Variants in STXBP5L observed in about 807,000 individuals in gnomAD.
STXBP5L encodes the protein syntaxin-binding protein 5-like.
In STXBP5L, 65 loss-of-function variants were observed where a neutral mutation model predicts 144.5. The ratio of observed to expected loss-of-function variants is 0.45; its 90% CI spans 0.37 to 0.55. STXBP5L has a LOEUF of 0.55. Among genes scored for constraint, STXBP5L ranks in the 20% least tolerant of loss-of-function variants. The pLI is 0.00. For missense variants in STXBP5L, 1,298 were observed against 1,405.5 expected, an observed-to-expected ratio of 0.92 and a Z score of 1.22; for synonymous variants, 505 against 469.6, an observed-to-expected ratio of 1.08 and a Z score of -0.97.
chr3:121,399,000 A>C (rs2046804615), intron 22 of STXBP5L, among the ~76,000 whole-genome samples: 1 of 152,084 alleles, frequency 6.6e-6, no homozygotes, highest in African/African-American at 2.4e-5. Context: ...CCGGAAAAGA[A>C]AGATCTGGAG....
At chr3:121,071,839 A>C (rs1422368525) in intron 5 of STXBP5L, among the ~76,000 whole-genome samples, 3 of 152,342 alleles carry the variant, frequency 2.0e-5, no homozygotes, top group African/African-American at 4.8e-5. Context: ...CTGAGTTATC[A>C]TCAGGGGTGC....
intron 14 of STXBP5L, among the ~76,000 whole-genome samples, chr3:121,247,100 TTAAAG>T (rs760904667): frequency 1.3e-5 from 2 of 152,196 alleles, no homozygotes; most frequent in Non-Finnish European, 1.5e-5. Context: ...AATAAAGCTG[TTAAAG>T]TAGAGTAAGC....
intron 3 of STXBP5L, among the ~76,000 whole-genome samples, chr3:121,009,971 A>T (rs1445548937): frequency 6.6e-6 from 1 of 151,898 alleles, no homozygotes; most frequent in African/African-American, 2.4e-5. Context: ...ACAGTTGCAC[A>T]CCACATGCTA....
chr3:120,948,896 A>AT (rs144774988), intron 2 of STXBP5L, among the ~76,000 whole-genome samples: 6,656 of 149,736 alleles, frequency 0.044, 175 homozygotes, highest in Middle Eastern at 0.083. Flanking sequence ...TCATATAATG[A>AT]TTTTTTTTTT....
At chr3:121,290,850 CTCTT>C (rs2051412790) in intron 19 of STXBP5L, among the ~76,000 whole-genome samples, 1 of 152,118 alleles carries the variant, frequency 6.6e-6, no homozygotes, top group Non-Finnish European at 1.5e-5. Context: ...AATTCATCAT[CTCTT>C]TATGATTAAA....
chr3:121,171,118 A>G (rs1048421626), intron 9 of STXBP5L, among the ~76,000 whole-genome samples: 2 of 152,216 alleles, frequency 1.3e-5, no homozygotes, highest in African/African-American at 4.8e-5. Context: ...AGATGCAGAA[A>G]AGGCCTTCGA....
rs368143498 is a variant in STXBP5L, at chr3:121,165,889, G to GT, written c.877+8269dup. The stretch of plus-strand genomic sequence containing the variant: ...CTTGTCTCATTTTGGAATACATTGG[G>GT]TTTTTTTGATTTATAGATTTATATT... On this transcript the variant is annotated intron_variant, in intron 9 of 26. Transcript: ENST00000471454. Among the ~76,000 whole-genome samples the GT allele has an allele frequency of 1.4e-3, 214 of 152,032 alleles. 1 individual carries two copies. Among genetic ancestry groups the GT allele is most frequent in the African/African-American group, 4.8e-3 (198 of 41,462 alleles).
At chr3:121,216,037 C>A (rs534915990) in intron 10 of STXBP5L, among the ~76,000 whole-genome samples, 1 of 152,112 alleles carries the variant, frequency 6.6e-6, no homozygotes, top group Non-Finnish European at 1.5e-5. Context: ...TGTTTTTCAG[C>A]TCCAAGGTCA....
intron 3 of STXBP5L, among the ~76,000 whole-genome samples, chr3:120,967,603 A>C (rs192046989): frequency 1.3e-5 from 2 of 152,028 alleles, no homozygotes; most frequent in Non-Finnish European, 2.9e-5. Context: ...TTATATCTTT[A>C]TACTCTAATG....
intron 3 of STXBP5L, among the ~76,000 whole-genome samples, chr3:120,986,960 G>C (rs1049814822): frequency 7.9e-5 from 12 of 151,840 alleles, no homozygotes; most frequent in Admixed American, 7.9e-4. Flanking sequence ...ACCATCAAGT[G>C]GACCAACATG....
At chr3:121,162,905 T>A (rs946038018) in intron 9 of STXBP5L, among the ~76,000 whole-genome samples, 1 of 152,040 alleles carries the variant, frequency 6.6e-6, no homozygotes, top group African/African-American at 2.4e-5. Flanking sequence ...TGGCGATGAT[T>A]AAAAGTCAGG....
chr3:120,989,902 C>G (rs1942665236), intron 3 of STXBP5L, among the ~76,000 whole-genome samples: 2 of 152,130 alleles, frequency 1.3e-5, no homozygotes, highest in Admixed American at 1.3e-4. Flanking sequence ...TGGCACAAGA[C>G]AGGGATGCCC....
chr3:121,112,712 A>G (rs1265935736), intron 5 of STXBP5L, among the ~76,000 whole-genome samples: 3 of 152,014 alleles, frequency 2.0e-5, no homozygotes, highest in Non-Finnish European at 2.9e-5. Flanking sequence ...CGATTATTTA[A>G]TGATAGTTAA....
chr3:121,101,000 G>A (rs902632107), intron 5 of STXBP5L, among the ~76,000 whole-genome samples: 4 of 151,946 alleles, frequency 2.6e-5, no homozygotes, highest in African/African-American at 7.2e-5. Flanking sequence ...TAGAGGAAAC[G>A]GATAAATCCC....
intron 2 of STXBP5L, among the ~76,000 whole-genome samples, chr3:120,935,650 T>A (rs1710225545): frequency 1.3e-5 from 2 of 152,110 alleles, no homozygotes; most frequent in Non-Finnish European, 2.9e-5. Flanking sequence ...AATTCTAGGT[T>A]GGTGTGGTGT....
At position 121,098,389 on chromosome 3, in the gene STXBP5L, A is replaced by C. The variant is rs1427358805; in HGVS notation, c.471-16536A>C. Among the ~76,000 whole-genome samples the C allele has an allele frequency of 2.6e-5, 4 of 152,162 alleles. No individual in the cohort carries two copies. The East Asian group carries it at 7.7e-4, about 29-fold the overall frequency. On this transcript the variant is annotated intron_variant, in intron 5 of 26. Coordinates refer to ENST00000471454, the MANE Select transcript of STXBP5L (RefSeq NM_001308330.2). ...CAGGAGGTGCCAGGTTCTTTTAAAC[A>C]ACTAGGTCTCATATGAACTTACAGG...
At position 121,113,666 on chromosome 3, in the gene STXBP5L, C is replaced by CTTTTTT. The variant is rs1273804231; in HGVS notation, c.471-1254_471-1253insTTTTTT. On this transcript the variant is annotated intron_variant, in intron 5 of 26. Transcript: ENST00000471454. ...TGGATGTTCACTTTTATTCTTTTTT[C>CTTTTTT]TTTTTCTTTTTTTTTTTTTTTTTTG... Among the ~76,000 whole-genome samples the CTTTTTT allele has an allele frequency of 1.1e-4, 15 of 132,898 alleles. 1 individual carries two copies. The highest frequency in any genetic ancestry group is 3.4e-4 in the African/African-American group (12 of 35,686). 87.2% of individuals were successfully genotyped at this position (132,898 alleles called of 152,430 possible).
At chr3:121,178,128 G>A (rs1195253677) in intron 9 of STXBP5L, among the ~76,000 whole-genome samples, 4 of 152,138 alleles carry the variant, frequency 2.6e-5, no homozygotes, top group Non-Finnish European at 4.4e-5. Context: ...AAGGAAAAAG[G>A]GGATATAAAG....
intron 9 of STXBP5L, among the ~76,000 whole-genome samples, chr3:121,204,579 C>G (rs150382202): frequency 2.7e-5 from 4 of 147,948 alleles, no homozygotes; most frequent in Non-Finnish European, 6.1e-5. Flanking sequence ...AAATTTAAAG[C>G]TATATGCATG....
Sources: gnomAD v4.1 joint callset for allele counts (sites outside exome capture counted in the v4.1 genomes callset) on GRCh38, gnomAD v4.1.1 for gene constraint, MANE v1.5 for transcripts, NCBI Gene and HGNC (gene_info 2026-07-23, HGNC 2026-07-21) for gene names.